GTF2IRD2B: variants seen among roughly 807,000 people sequenced by gnomAD.
The protein encoded by GTF2IRD2B is general transcription factor II-I repeat domain-containing protein 2B.
Under a neutral mutation model 55.6 loss-of-function variants are expected in GTF2IRD2B, and 10 were observed. The ratio of observed to expected loss-of-function variants is 0.18; its 90% CI spans 0.11 to 0.31. The LOEUF (loss-of-function observed/expected upper bound fraction) is 0.31, where lower values mean the gene tolerates loss of function less well. GTF2IRD2B is among the 10% of genes least tolerant of loss of function. GTF2IRD2B has a pLI of 1.00. For missense variants in GTF2IRD2B, 206 were observed against 802.7 expected (o/e 0.26, Z 8.98); for synonymous variants, 107 against 320.5 (o/e 0.33, Z 7.12).
intron 3 of GTF2IRD2B, among the ~76,000 whole-genome samples, chr7:75,117,377 C>A (rs1808196621): frequency 6.6e-6 from 1 of 152,274 alleles, no homozygotes; most frequent in Admixed American, 6.5e-5. Flanking sequence ...AGCCTGTAAT[C>A]CCAGCTACTC....
Position 75,148,617 on chromosome 7 carries a change from T to C in GTF2IRD2B, c.2170T>C (p.Phe724Leu). 1 of 643,866 alleles carries C rather than the reference T, an allele frequency of 1.6e-6. No individual in the cohort carries two copies. Among genetic ancestry groups the C allele is most frequent in the Non-Finnish European group, 2.8e-6 (1 of 358,978 alleles). 39.9% of individuals were successfully genotyped at this position (643,866 alleles called of 1,614,324 possible). The change falls in exon 16 of 16, where the codon TTC (phenylalanine) becomes CTC (leucine). Residue 724 changes from phenylalanine (F) to leucine (L), a missense_variant. Coordinates refer to ENST00000472837, the MANE Select transcript of GTF2IRD2B (RefSeq NM_001003795.3). ...TCGCGGGCTCGTGCTAAAGAGATTT[T>C]TCGAATCCTTGGAAGAAATCGACTC... Reference protein sequence around the residue: ...LSRGLVLKRFFESLEEIDSFM... With the variant: ...LSRGLVLKRFLESLEEIDSFM...
At position 75,123,575 on chromosome 7, in the gene GTF2IRD2B, C is replaced by A. The variant is rs1272114704; in HGVS notation, c.571+59C>A. ...CTGAGCTGCTGAACCACTTCTTCTT[C>A]ATTAAAACTTGAATTGGGGGCCGGG... is the stretch of plus-strand genomic sequence containing the variant. On this transcript the variant is annotated intron_variant, in intron 6 of 15. Transcript: ENST00000472837. The A allele has an allele frequency of 1.9e-4, 112 of 599,488 alleles. 3 individuals carry two copies. The highest frequency in any genetic ancestry group is 4.5e-4 in the Middle Eastern group (1 of 2,222). The allele number at this position is 599,488 out of a possible 1,614,324, so 37.1% of individuals were successfully genotyped here.
intron 3 of GTF2IRD2B, among the ~76,000 whole-genome samples, chr7:75,115,988 C>T (rs1481768569): frequency 6.9e-5 from 9 of 130,410 alleles, no homozygotes; most frequent in Non-Finnish European, 9.7e-5. Flanking sequence ...GGCTTGATCT[C>T]GGATCACTGC....
In GTF2IRD2B at chr7:75,149,655, G is replaced by A. The variant is rs1448813085; in HGVS notation, c.*358G>A. 1 of 291,234 alleles carries A rather than the reference G, an allele frequency of 3.4e-6. No individual in the cohort carries two copies. The highest frequency in any genetic ancestry group is 2.3e-5 in the African/African-American group (1 of 43,524). 18.0% of individuals were successfully genotyped at this position (291,234 alleles called of 1,614,324 possible). A position where few individuals can be genotyped will look rare whatever the true frequency, so the allele number is the denominator to read the frequency against. On this transcript the variant is annotated 3_prime_UTR_variant, in exon 16 of 16. Transcript: ENST00000472837. ...GACCTCACAAAGTGCTGGGATTACA[G>A]GCATGAACCACTGTGCCCAGCTGAC...
intron 1 of GTF2IRD2B, among the ~76,000 whole-genome samples, chr7:75,104,945 A>C (rs1234191949): frequency 1.3e-5 from 2 of 152,304 alleles, no homozygotes; most frequent in South Asian, 4.1e-4. Context: ...CTGTAATCCC[A>C]GCACTGGTGT....
intron 11 of GTF2IRD2B, among the ~76,000 whole-genome samples, chr7:75,138,648 T>C (rs1554534250): frequency 8.5e-6 from 1 of 117,582 alleles, no homozygotes; most frequent in African/African-American, 3.7e-5. Flanking sequence ...GCCTGGGTGA[T>C]AGACTCAGTC....
chr7:75,117,329 G>A (rs1331075176), intron 3 of GTF2IRD2B, among the ~76,000 whole-genome samples: 4 of 152,084 alleles, frequency 2.6e-5, no homozygotes, highest in East Asian at 3.8e-4. Flanking sequence ...GGAAAACCCC[G>A]TCTCTACTAA....
intron 1 of GTF2IRD2B, chr7:75,093,709 A>G (rs1208271741): frequency 6.6e-6 from 1 of 151,924 alleles, no homozygotes; most frequent in East Asian, 1.9e-4. Flanking sequence ...ATAAAAATCC[A>G]TGATATGAAT....
chr7:75,123,278 G>A lies in GTF2IRD2B; in HGVS notation c.501G>A (p.Trp167Ter). 2 of 1,262,598 alleles carry A rather than the reference G, an allele frequency of 1.6e-6. No individual in the cohort carries two copies. Among genetic ancestry groups the A allele is most frequent in the East Asian group, 2.4e-5 (1 of 42,242 alleles). The allele number at this position is 1,262,598 out of a possible 1,614,324, so 78.2% of individuals were successfully genotyped here. Reference protein sequence around the residue: ...PENYDLATLKWILENKAGISF... With the variant: ...PENYDLATLK ...ATTACGACCTTGCAACCCTGAAATG[G>A]ATTTTGGAGAACAAAGCAGGGATTT... The change falls in exon 5 of 16, where the codon TGG (tryptophan) becomes TGA (stop). Residue 167 changes from tryptophan to a stop codon, truncating the protein, a stop_gained. Coordinates refer to ENST00000472837, the MANE Select transcript of GTF2IRD2B (RefSeq NM_001003795.3). LOFTEE classifies it high-confidence loss of function.
chr7:75,137,078 C>T (rs1488340814), intron 11 of GTF2IRD2B, among the ~76,000 whole-genome samples: 3 of 150,950 alleles, frequency 2.0e-5, no homozygotes, highest in Admixed American at 1.3e-4. Flanking sequence ...TGGTGCATGT[C>T]TGTATTTCCA....
chr7:75,130,149 C>CTTTG (rs1808626137), intron 8 of GTF2IRD2B, among the ~76,000 whole-genome samples: 1 of 99,654 alleles, frequency 1.0e-5, no homozygotes, highest in Non-Finnish European at 2.1e-5. Flanking sequence ...TTCTTTCTTT[C>CTTTG]CTTCTTTCTT....
At chr7:75,115,241 CAAGT>C (rs1563093335) in intron 3 of GTF2IRD2B, among the ~76,000 whole-genome samples, 1 of 148,736 alleles carries the variant, frequency 6.7e-6, no homozygotes, top group South Asian at 2.1e-4. Context: ...AATATTTGGT[CAAGT>C]GTTTATTTCT....
chr7:75,105,054 A>G (rs1807735690), intron 1 of GTF2IRD2B, among the ~76,000 whole-genome samples: 1 of 152,240 alleles, frequency 6.6e-6, no homozygotes, highest in Admixed American at 6.5e-5. Flanking sequence ...AAAGTTAGCC[A>G]GGTGTGGTGG....
At chr7:75,122,813 T>C (rs2115779843) in intron 4 of GTF2IRD2B, among the ~76,000 whole-genome samples, 1 of 149,524 alleles carries the variant, frequency 6.7e-6, no homozygotes, top group East Asian at 2.0e-4. Context: ...TTTGGCAGGC[T>C]AAGGTGGGTA....
intron 4 of GTF2IRD2B, 122 bp from the exon 5 acceptor site, chr7:75,123,014 C>T (rs1808430190): frequency 6.6e-7 from 1 of 1,515,786 alleles, no homozygotes; most frequent in Non-Finnish European, 8.9e-7. Flanking sequence ...CTTGCCATTG[C>T]ACTCCAGCCG....
At chr7:75,105,301 C>G (rs1170790731) in intron 1 of GTF2IRD2B, among the ~76,000 whole-genome samples, 27 of 152,296 alleles carry the variant, frequency 1.8e-4, no homozygotes, top group Non-Finnish European at 4.0e-4. Context: ...GTCAAGGGTT[C>G]GAGACCAGCC....
intron 1 of GTF2IRD2B, among the ~76,000 whole-genome samples, chr7:75,099,781 T>TAAATAAAA (rs1486185057): frequency 6.6e-4 from 92 of 139,426 alleles, no homozygotes; most frequent in South Asian, 9.2e-4. Context: ...AATAAATAAA[T>TAAATAAAA]AAAACATAAT....
At chr7:75,127,468 CAAAAAAAAAA>C (rs71246071) in intron 8 of GTF2IRD2B, among the ~76,000 whole-genome samples, 1 of 33,218 alleles carries the variant, frequency 3.0e-5, no homozygotes, top group African/African-American at 1.1e-4. Flanking sequence ...GACGTTGTCT[CAAAAAAAAAA>C]AAAAAAAAAA....
intron 3 of GTF2IRD2B, among the ~76,000 whole-genome samples, chr7:75,113,892 GTA>G (rs1330237978): frequency 3.4e-5 from 5 of 148,904 alleles, no homozygotes; most frequent in African/African-American, 1.2e-4. Context: ...GTCTGTGTGT[GTA>G]TAAGTAGATT....
Sources: allele counts gnomAD v4.1 joint callset (sites outside exome capture counted in the v4.1 genomes callset), GRCh38; gene constraint gnomAD v4.1.1; transcripts MANE v1.5; gene names NCBI Gene and HGNC (gene_info 2026-07-23, HGNC 2026-07-21).